Variants in MTMR8 observed in about 807,000 individuals in gnomAD.
MTMR8 encodes the protein phosphatidylinositol-3,5-bisphosphate 3-phosphatase MTMR8.
MTMR8 carries 65 observed loss-of-function variants against 39.3 expected under a neutral mutation model. That is an observed-to-expected ratio of 1.65 (90% CI 1.35 to 2.03). MTMR8 has a LOEUF of 2.03. Ranked by LOEUF, MTMR8 falls within the 30% of genes most tolerant of loss-of-function variation. The pLI is 0.00. For missense variants in MTMR8, 777 were observed against 538.9 expected (o/e 1.44, Z -4.37); for synonymous variants, 245 against 185.2 (o/e 1.32, Z -2.62).
chrX:64,270,267 T>C (rs1230119866), intron 13 of MTMR8, among the ~76,000 whole-genome samples: 1 of 112,083 alleles, frequency 8.9e-6, no homozygotes, highest in Non-Finnish European at 1.9e-5. Context: ...TAAAATGACA[T>C]TTGTTTACTT....
At chrX:64,369,221 C>A (rs1485655590) in intron 1 of MTMR8, among the ~76,000 whole-genome samples, 2 of 111,538 alleles carry the variant, frequency 1.8e-5, no homozygotes, top group African/African-American at 6.5e-5. Flanking sequence ...CCTCAAGGAT[C>A]TAGAACTAGA....
chrX:64,291,491 C>A (rs755571069), intron 12 of MTMR8, among the ~76,000 whole-genome samples: 1 of 110,913 alleles, frequency 9.0e-6, no homozygotes, highest in African/African-American at 3.3e-5. Context: ...TACACTCATG[C>A]TAACCTGTCA....
At chrX:64,377,598 T>A (rs1207278111) in intron 1 of MTMR8, among the ~76,000 whole-genome samples, 1 of 112,533 alleles carries the variant, frequency 8.9e-6, no homozygotes, top group Admixed American at 9.4e-5. Flanking sequence ...TGCCTGTACC[T>A]CTATTGTATC....
At chrX:64,332,742 T>C (rs774640371) in intron 10 of MTMR8, among the ~76,000 whole-genome samples, 2 of 111,929 alleles carry the variant, frequency 1.8e-5, no homozygotes, top group African/African-American at 6.5e-5. Context: ...GCTCAACAGA[T>C]TCCTTAACTA....
intron 12 of MTMR8, among the ~76,000 whole-genome samples, chrX:64,317,441 C>T (rs942355557): frequency 3.6e-5 from 4 of 111,461 alleles, no homozygotes; most frequent in Admixed American, 9.5e-5. Context: ...ATATCTCAAG[C>T]TCATGTATTC....
rs189646958 is a variant in MTMR8, at chrX:64,320,780, G to A, written c.1481+7992C>T. ...CAGAAAATATGTGAAAAGACCCTAA[G>A]CTTTCACCTGTGGCTTACTTTTAAG... On this transcript the variant is annotated intron_variant, in intron 12 of 13. Transcript: ENST00000374852. 1.5e-3 allele frequency among the ~76,000 whole-genome samples: 166 copies of A among 111,611 alleles called. 1 individual carries two copies. The highest frequency in any genetic ancestry group is 5.2e-3 in the African/African-American group (161 of 30,717).
chrX:64,269,056 C>T lies in MTMR8; in HGVS notation c.1609-13G>A, dbSNP rs774222795. 1 of 1,201,843 alleles carries T rather than the reference C, an allele frequency of 8.3e-7. No homozygotes were observed. The highest frequency in any genetic ancestry group is 1.1e-6 in the Non-Finnish European group (1 of 890,666). On this transcript the variant is annotated splice_polypyrimidine_tract_variant and intron_variant, in intron 13 of 13. Coordinates refer to ENST00000374852, the MANE Select transcript of MTMR8 (RefSeq NM_017677.4). The stretch of plus-strand genomic sequence containing the variant: ...GGACTTTTAGTTTCTGCCTCAGGAG[C>T]AAGAAAGGGTTGAGAAGAATTAGAA...
chrX:64,278,322 G>T (rs1931924680), intron 12 of MTMR8, among the ~76,000 whole-genome samples: 1 of 109,327 alleles, frequency 9.1e-6, no homozygotes, highest in African/African-American at 3.3e-5. Flanking sequence ...CTGGCTTATG[G>T]AATTCTCAGC....
chrX:64,311,767 C>CTTT lies in MTMR8; in HGVS notation c.1481+17002_1481+17004dup, dbSNP rs1193336126. 2.5e-3 allele frequency among the ~76,000 whole-genome samples: 204 copies of CTTT among 80,879 alleles called. 8 individuals carry two copies. The highest frequency in any genetic ancestry group is 9.0e-3 in the African/African-American group (189 of 20,917). The allele number at this position is 80,879 out of a possible 115,157, so 70.2% of individuals were successfully genotyped here. ...TAAATAGGGAATCCTTTCCCCATTG[C>CTTT]TTTTTTTTTTTTTTTTTGGCAGGTT... On this transcript the variant is annotated intron_variant, in intron 12 of 13. Coordinates refer to ENST00000374852, the MANE Select transcript of MTMR8 (RefSeq NM_017677.4).
At chrX:64,328,133 C>T (rs145248331) in intron 12 of MTMR8, among the ~76,000 whole-genome samples, 8 of 111,812 alleles carry the variant, frequency 7.2e-5, no homozygotes, top group African/African-American at 2.3e-4. Context: ...AAAGCTTTCC[C>T]CCTAAAATCA....
At chrX:64,311,847 G>A (rs1025882453) in intron 12 of MTMR8, among the ~76,000 whole-genome samples, 3 of 104,130 alleles carry the variant, frequency 2.9e-5, no homozygotes, top group Admixed American at 1.1e-4. Context: ...GGCTCAGTTC[G>A]GTTCCATTGG....
intron 12 of MTMR8, among the ~76,000 whole-genome samples, chrX:64,278,454 TTGC>T (rs1376038971): frequency 1.0e-4 from 10 of 99,307 alleles, no homozygotes; most frequent in Non-Finnish European, 2.0e-5. Context: ...GCTATTTATT[TTGC>T]TGGTTTTTTT....
intron 12 of MTMR8, among the ~76,000 whole-genome samples, chrX:64,325,807 G>A (rs1922774660): frequency 8.9e-6 from 1 of 111,816 alleles, no homozygotes; most frequent in African/African-American, 3.3e-5. Flanking sequence ...GCAAGAGAAA[G>A]AAATGAAAGC....
At chrX:64,300,853 T>C (rs1156617298) in intron 12 of MTMR8, among the ~76,000 whole-genome samples, 4 of 109,722 alleles carry the variant, frequency 3.6e-5, no homozygotes, top group Non-Finnish European at 7.6e-5. Flanking sequence ...TTTGGCTGGA[T>C]ATGAAATTCT....
At chrX:64,288,070 A>G (rs1018980786) in intron 12 of MTMR8, among the ~76,000 whole-genome samples, 13 of 97,274 alleles carry the variant, frequency 1.3e-4, no homozygotes, top group African/African-American at 4.6e-4. Context: ...AGTGAACAGG[A>G]AACCTACAGA....
intron 12 of MTMR8, among the ~76,000 whole-genome samples, chrX:64,276,078 C>A (rs1335522080): frequency 9.0e-6 from 1 of 111,502 alleles, no homozygotes; most frequent in Non-Finnish European, 1.9e-5. Context: ...TCTCTCTTTT[C>A]TTCTTTATTA....
chrX:64,276,318 ATCTAGT>A lies in MTMR8; in HGVS notation c.1482-5251_1482-5246del, dbSNP rs1931871289. Among the ~76,000 whole-genome samples the A allele has an allele frequency of 3.6e-5, 4 of 110,601 alleles. No homozygotes were observed. The South Asian group carries it at 1.5e-3, about 42-fold the overall frequency. On this transcript the variant is annotated intron_variant, in intron 12 of 13. Transcript: ENST00000374852. ...TCTAGTTCTAGATGTTAGGGTGTTG[ATCTAGT>A]TCTAGATCTAGATTCTAGTTCTAGA...
chrX:64,385,219 G>C (rs1360458826), intron 1 of MTMR8, among the ~76,000 whole-genome samples: 5 of 112,188 alleles, frequency 4.5e-5, no homozygotes, highest in Non-Finnish European at 9.4e-5. Flanking sequence ...TATTGCTCTA[G>C]TTCCCAGTAA....
chrX:64,274,715 C>T (rs1455645534), intron 12 of MTMR8, among the ~76,000 whole-genome samples: 2 of 112,133 alleles, frequency 1.8e-5, no homozygotes, highest in Admixed American at 1.9e-4. Flanking sequence ...TAATGGAATA[C>T]TATTCTACCT....
Sources: gnomAD v4.1 joint callset for allele counts (sites outside exome capture counted in the v4.1 genomes callset) on GRCh38, gnomAD v4.1.1 for gene constraint, MANE v1.5 for transcripts, NCBI Gene and HGNC (gene_info 2026-07-23, HGNC 2026-07-21) for gene names.